Variants in BRAP observed in about 807,000 individuals in gnomAD.
The protein encoded by BRAP is BRCA1 associated protein, also known as BRCA1-associated protein.
A neutral mutation model predicts 73.4 loss-of-function variants in BRAP; 42 were observed. The observed-to-expected ratio is 0.57, with a 90% CI of 0.45 to 0.74. BRAP has a LOEUF of 0.74. Among genes scored for constraint, BRAP ranks in the 30% least tolerant of loss-of-function variants. The probability of loss-of-function intolerance (pLI) is 0.00; values close to 1 mark genes in which losing one functional copy is unlikely to be tolerated. For synonymous variants in BRAP, 255 were observed against 267.4 expected (o/e 0.95, Z 0.45); for missense variants, 593 against 751.4 (o/e 0.79, Z 2.46).
intron 5 of BRAP, chr12:111,670,057 CT>C (rs1887108914): frequency 3.2e-6 from 2 of 626,518 alleles, no homozygotes; most frequent in African/African-American, 3.7e-5. Context: ...AAAGCTGCTG[CT>C]CCTGAAAAAG....
At chr12:111,683,788 C>T (rs773181154) in intron 1 of BRAP, among the ~76,000 whole-genome samples, 1 of 152,096 alleles carries the variant, frequency 6.6e-6, no homozygotes, top group Non-Finnish European at 1.5e-5. Flanking sequence ...GTGATCCACC[C>T]GCCTTGACCT....
At chr12:111,681,253 C>G (rs1887587836) in intron 3 of BRAP, among the ~76,000 whole-genome samples, 1 of 151,870 alleles carries the variant, frequency 6.6e-6, no homozygotes, top group African/African-American at 2.4e-5. Context: ...ACCTGTAATC[C>G]CAGCTACTTG....
In BRAP at chr12:111,643,412, T is replaced by G. The variant is rs1885971678; in HGVS notation, c.*787A>C. The G allele has an allele frequency of 6.6e-6, 1 of 152,190 alleles. No individual in the cohort carries two copies. Among genetic ancestry groups the G allele is most frequent in the Admixed American group, 6.5e-5 (1 of 15,268 alleles). 9.4% of individuals were successfully genotyped at this position (152,190 alleles called of 1,614,324 possible). Reference sequence around the variant, plus strand: ...AATCTCCCCACTCAGTCTTGCTAGATGCTAGGATACCCACTCTGAGATTTG... The same window carrying G: ...AATCTCCCCACTCAGTCTTGCTAGAGGCTAGGATACCCACTCTGAGATTTG... On this transcript the variant is annotated 3_prime_UTR_variant, in exon 12 of 12. Coordinates refer to ENST00000419234, the MANE Select transcript of BRAP (RefSeq NM_006768.5).
chr12:111,663,926 G>A (rs1304794139), intron 6 of BRAP, among the ~76,000 whole-genome samples: 1 of 152,158 alleles, frequency 6.6e-6, no homozygotes, highest in Non-Finnish European at 1.5e-5. Context: ...TTATCTTTGG[G>A]CCTGTGTCCT....
chr12:111,659,694 A>T (rs1886671294), intron 7 of BRAP, among the ~76,000 whole-genome samples: 1 of 151,658 alleles, frequency 6.6e-6, no homozygotes, highest in Admixed American at 6.6e-5. Context: ...CAGCTCACTC[A>T]GAGTGGGAAG....
chr12:111,684,193 G>A (rs1188112798), intron 1 of BRAP, among the ~76,000 whole-genome samples: 2 of 152,178 alleles, frequency 1.3e-5, no homozygotes, highest in Non-Finnish European at 2.9e-5. Context: ...GCCCACCACT[G>A]TATTCCCAGC....
intron 1 of BRAP, among the ~76,000 whole-genome samples, chr12:111,684,655 G>A (rs1338006517): frequency 1.3e-5 from 2 of 151,798 alleles, no homozygotes; most frequent in African/African-American, 4.8e-5. Context: ...CAGCAGATAT[G>A]AGCATAAGTT....
chr12:111,651,835 A>G (rs1358808684), intron 10 of BRAP, among the ~76,000 whole-genome samples: 2 of 151,596 alleles, frequency 1.3e-5, no homozygotes, highest in Non-Finnish European at 2.9e-5. Context: ...ACGAGGTTTC[A>G]CCATATTGGC....
chr12:111,669,506 G>A (rs1592987762), intron 5 of BRAP, among the ~76,000 whole-genome samples: 1 of 152,192 alleles, frequency 6.6e-6, no homozygotes, highest in African/African-American at 2.4e-5. Flanking sequence ...GATTACAGGT[G>A]TGAGCCACCA....
intron 10 of BRAP, among the ~76,000 whole-genome samples, chr12:111,652,686 G>A (rs1220733443): frequency 6.6e-6 from 1 of 152,038 alleles, no homozygotes; most frequent in Non-Finnish European, 1.5e-5. Context: ...AGATCAGCCT[G>A]GGCAACATAG....
In BRAP at chr12:111,642,278, T is replaced by C. The variant is rs1885923479; in HGVS notation, c.*1921A>G. 6.6e-6 allele frequency: 1 copy of C among 152,152 alleles called. No individual in the cohort carries two copies. The highest frequency in any genetic ancestry group is 2.4e-5 in the African/African-American group (1 of 41,424). The allele number at this position is 152,152 out of a possible 1,614,324, so 9.4% of individuals were successfully genotyped here. The stretch of plus-strand genomic sequence containing the variant: ...TTTTGTGAAATTCAAACATGACTCT[T>C]TGACTGTTTAAAAAAAAATTTTTTT... On this transcript the variant is annotated 3_prime_UTR_variant, in exon 12 of 12. Coordinates refer to ENST00000419234, the MANE Select transcript of BRAP (RefSeq NM_006768.5).
At chr12:111,651,707 G>A (rs1592970004) in intron 10 of BRAP, among the ~76,000 whole-genome samples, 1 of 128,638 alleles carries the variant, frequency 7.8e-6, no homozygotes. Context: ...GCGCTATCTT[G>A]GCTCACTACA....
At chr12:111,671,033 G>A (rs979649207) in intron 5 of BRAP, among the ~76,000 whole-genome samples, 1 of 151,976 alleles carries the variant, frequency 6.6e-6, no homozygotes, top group Non-Finnish European at 1.5e-5. Flanking sequence ...CTGGGAGGTG[G>A]AGGTTATAGT....
At position 111,681,818 on chromosome 12, in the gene BRAP, C is replaced by G. The variant is rs372980593; in HGVS notation, c.262G>C (p.Val88Leu). Reference sequence around the variant, plus strand: ...GCTTCTGAAGACTTCCTTTCTTCCACTGTAGTTTTTAGTTCATCTTTCACC... The same window carrying G: ...GCTTCTGAAGACTTCCTTTCTTCCAGTGTAGTTTTTAGTTCATCTTTCACC... The part of the protein sequence containing the change: ...KSNPDELKTT[V>L]EERKSSEASP... Residue 88 changes from valine (V) to leucine (L), a missense_variant, in exon 3 of 12, where the codon GTG becomes CTG. Transcript: ENST00000419234. 18 of 1,610,732 alleles carry G rather than the reference C, an allele frequency of 1.1e-5. 1 individual carries two copies. In the South Asian group the frequency reaches 1.8e-4, roughly 16 times the overall value.
intron 5 of BRAP, among the ~76,000 whole-genome samples, chr12:111,667,061 A>G (rs1886971175): frequency 6.6e-6 from 1 of 152,216 alleles, no homozygotes; most frequent in East Asian, 1.9e-4. Context: ...ATGTTAACAA[A>G]CAGGAAAATG....
intron 5 of BRAP, among the ~76,000 whole-genome samples, chr12:111,669,367 C>T (rs1887082096): frequency 6.6e-6 from 1 of 152,010 alleles, no homozygotes; most frequent in African/African-American, 2.4e-5. Flanking sequence ...GCTAGGATTA[C>T]AGGCATACGC....
rs149427147 is a variant in BRAP at position 111,679,642 on chromosome 12, G to A, written c.444-302C>T. Among the ~76,000 whole-genome samples, 1,222 of 151,960 alleles carry A rather than the reference G, an allele frequency of 8.0e-3. 15 individuals carry two copies. Among genetic ancestry groups the A allele is most frequent in the African/African-American group, 0.028 (1,144 of 41,456 alleles). On this transcript the variant is annotated intron_variant, in intron 3 of 11. Coordinates refer to ENST00000419234, the MANE Select transcript of BRAP (RefSeq NM_006768.5). The stretch of plus-strand genomic sequence containing the variant: ...CGTAATCCCAGCACTTTGGCAGGCC[G>A]AGGCGGGTGGATCACGAGGTCAGGA...
At position 111,663,330 on chromosome 12, in the gene BRAP, G is replaced by A. The variant is rs1430601511; in HGVS notation, c.896+2309C>T. Among the ~76,000 whole-genome samples the A allele has an allele frequency of 2.6e-5, 4 of 152,042 alleles. No individual in the cohort carries two copies. In the East Asian group the frequency reaches 7.7e-4, roughly 29 times the overall value. On this transcript the variant is annotated intron_variant, in intron 6 of 11. Coordinates refer to ENST00000419234, the MANE Select transcript of BRAP (RefSeq NM_006768.5). ...TAGCCAGGTGTGGTGGTACATGCCTGTAGTCCCAGCTACTCGGGAGGCTGA... is the reference window on the plus strand; with the variant it reads ...TAGCCAGGTGTGGTGGTACATGCCTATAGTCCCAGCTACTCGGGAGGCTGA...
intron 10 of BRAP, among the ~76,000 whole-genome samples, chr12:111,650,752 A>G (rs1347330234): frequency 6.6e-6 from 1 of 151,658 alleles, no homozygotes; most frequent in East Asian, 1.9e-4. Flanking sequence ...GTGACACTTG[A>G]CTCTAGTTGT....
Sources: gnomAD v4.1 joint callset for allele counts (sites outside exome capture counted in the v4.1 genomes callset) on GRCh38, gnomAD v4.1.1 for gene constraint, MANE v1.5 for transcripts, NCBI Gene and HGNC (gene_info 2026-07-23, HGNC 2026-07-21) for gene names.